Variants in OSTN observed in about 807,000 individuals in gnomAD.
OSTN encodes the protein osteocrin.
In OSTN, 9 loss-of-function variants were observed where a neutral mutation model predicts 12.0. The observed-to-expected ratio is 0.75, with a 90% CI of 0.45 to 1.30. The LOEUF (loss-of-function observed/expected upper bound fraction) is 1.30, where lower values mean the gene tolerates loss of function less well. OSTN is among the 50% of genes most tolerant of loss of function. The pLI is 0.00. For missense variants in OSTN, 148 were observed against 152.3 expected (o/e 0.97, Z 0.15); for synonymous variants, 59 against 56.9 (o/e 1.04, Z -0.16).
In OSTN at chr3:191,259,908, G is replaced by A. The variant is rs550313157; in HGVS notation, c.*13-2958G>A. Among the ~76,000 whole-genome samples, 210 of 145,372 alleles carry A rather than the reference G, an allele frequency of 1.4e-3. 3 individuals carry two copies. The highest frequency in any genetic ancestry group is 7.2e-3 in the Middle Eastern group (2 of 276). ...TCTCACTCTGTCACCAGGCTGGAGC[G>A]CAGTGGTACAATCTCGACTTACTGC... is the stretch of plus-strand genomic sequence containing the variant. On this transcript the variant is annotated intron_variant, in intron 4 of 4. Transcript: ENST00000682035.
chr3:191,225,241 T>C (rs1009472625), intron 3 of OSTN, among the ~76,000 whole-genome samples: 3 of 152,082 alleles, frequency 2.0e-5, no homozygotes, highest in Admixed American at 2.0e-4. Flanking sequence ...TGTTAGAAAA[T>C]ACAACTTATA....
chr3:191,217,585 A>T (rs562445848), intron 2 of OSTN, among the ~76,000 whole-genome samples: 2 of 152,362 alleles, frequency 1.3e-5, no homozygotes, highest in South Asian at 4.1e-4. Context: ...GGAGCATTTA[A>T]GAAATGCTGC....
At chr3:191,201,621 T>A (rs1298960738) in intron 1 of OSTN, among the ~76,000 whole-genome samples, 1 of 152,138 alleles carries the variant, frequency 6.6e-6, no homozygotes, top group Non-Finnish European at 1.5e-5. Context: ...ATAGAAATAT[T>A]ATGACTCAAA....
At chr3:191,230,474 A>G (rs902704606) in intron 3 of OSTN, among the ~76,000 whole-genome samples, 1 of 150,954 alleles carries the variant, frequency 6.6e-6, no homozygotes, top group Admixed American at 6.6e-5. Flanking sequence ...TGAGGCAGGG[A>G]AATCGCTTGA....
At chr3:191,250,834 G>A (rs1715544904) in intron 4 of OSTN, among the ~76,000 whole-genome samples, 1 of 151,978 alleles carries the variant, frequency 6.6e-6, no homozygotes, top group Admixed American at 6.6e-5. Flanking sequence ...CTTATACTTG[G>A]CACTTTATGT....
rs376273133 is a variant in OSTN at position 191,213,466 on chromosome 3, G to T, written c.102+832G>T. Reference sequence around the variant, plus strand: ...ATTCCTTGAACAAAAAAAGCTTTAAGAGAAAATCCATTATTATAGCTATAT... The same window carrying T: ...ATTCCTTGAACAAAAAAAGCTTTAATAGAAAATCCATTATTATAGCTATAT... On this transcript the variant is annotated intron_variant, in intron 2 of 4. Coordinates refer to ENST00000682035, the MANE Select transcript of OSTN (RefSeq NM_198184.2). 11 of 152,188 alleles carry T rather than the reference G, an allele frequency of 7.2e-5. No homozygotes were observed. The East Asian group carries it at 1.9e-3, about 27-fold the overall frequency. 9.4% of individuals were successfully genotyped at this position (152,188 alleles called of 1,614,324 possible).
At chr3:191,254,087 G>A (rs945819420) in intron 4 of OSTN, among the ~76,000 whole-genome samples, 6 of 152,194 alleles carry the variant, frequency 3.9e-5, no homozygotes, top group African/African-American at 1.4e-4. Flanking sequence ...CCTGAGAATA[G>A]ATCAGTTCAG....
Position 191,218,794 on chromosome 3 carries a change from G to A in OSTN, c.150G>A (p.Arg50=). 1 of 1,614,044 alleles carries A rather than the reference G, an allele frequency of 6.2e-7. No individual in the cohort carries two copies. Among genetic ancestry groups the A allele is most frequent in the Non-Finnish European group, 8.5e-7 (1 of 1,179,982 alleles). ...VIDVQSTPTV[R]EEKSATDLTA... The stretch of plus-strand genomic sequence containing the variant: ...ATGTGCAGTCAACACCCACAGTCAG[G>A]GAAGAGAAATCAGCCACTGACCTGA... The change falls in exon 3 of 5, where the codon AGG becomes AGA. Residue 50 remains arginine (R), a synonymous_variant. Transcript: ENST00000682035.
chr3:191,231,355 A>G (rs1219160895), intron 3 of OSTN, among the ~76,000 whole-genome samples: 1 of 133,552 alleles, frequency 7.5e-6, no homozygotes, highest in African/African-American at 3.1e-5. Context: ...AAAATCACAC[A>G]TATATATATA....
chr3:191,207,306 A>G (rs1435078817), intron 1 of OSTN, among the ~76,000 whole-genome samples: 1 of 152,172 alleles, frequency 6.6e-6, no homozygotes, highest in Non-Finnish European at 1.5e-5. Context: ...GTGAATTTCT[A>G]ATTGTTGGAT....
chr3:191,225,634 C>T (rs549615634), intron 3 of OSTN, among the ~76,000 whole-genome samples: 72 of 152,182 alleles, frequency 4.7e-4, no homozygotes, highest in African/African-American at 1.7e-3. Flanking sequence ...CAATGGAATA[C>T]TACACAGCCA....
At chr3:191,259,670 G>A (rs73888517) in intron 4 of OSTN, among the ~76,000 whole-genome samples, 1 of 151,846 alleles carries the variant, frequency 6.6e-6, no homozygotes, top group East Asian at 1.9e-4. Context: ...GGGTATCAAA[G>A]CCAGGCGTTG....
intron 1 of OSTN, among the ~76,000 whole-genome samples, chr3:191,205,725 A>G (rs1714258477): frequency 6.6e-6 from 1 of 152,138 alleles, no homozygotes; most frequent in Non-Finnish European, 1.5e-5. Flanking sequence ...TCTGATAACC[A>G]AGTTAAATAT....
chr3:191,258,533 CA>C (rs34138651), intron 4 of OSTN, among the ~76,000 whole-genome samples: 75,710 of 151,404 alleles, frequency 0.5, 20,341 homozygotes, highest in African/African-American at 0.71. Context: ...AGAGAAACAC[CA>C]AATGCACGCG....
chr3:191,221,229 T>C (rs1277576514), intron 3 of OSTN, among the ~76,000 whole-genome samples: 1 of 152,182 alleles, frequency 6.6e-6, no homozygotes, highest in Admixed American at 6.5e-5. Context: ...TAAACCGCTT[T>C]CCTTTATAAA....
At chr3:191,201,294 ATAT>A (rs1287702381) in intron 1 of OSTN, among the ~76,000 whole-genome samples, 1 of 151,726 alleles carries the variant, frequency 6.6e-6, no homozygotes, top group East Asian at 1.9e-4. Context: ...AACAATTTCT[ATAT>A]TATTATCTTC....
rs1339117702 is a variant in OSTN, at chr3:191,265,438, C to G, written c.*2585C>G. ...TGTCAAGTTGTACCTTTAACCTGTT[C>G]ATAGCTTTAGGGAATTAAGTTTCTT... On this transcript the variant is annotated 3_prime_UTR_variant, in exon 5 of 5. Transcript: ENST00000682035. 6.6e-6 allele frequency: 1 copy of G among 152,128 alleles called. No homozygotes were observed. Among genetic ancestry groups the G allele is most frequent in the Non-Finnish European group, 1.5e-5 (1 of 67,996 alleles). 9.4% of individuals were successfully genotyped at this position (152,128 alleles called of 1,614,324 possible). A position where few individuals can be genotyped will look rare whatever the true frequency, so the allele number is the denominator to read the frequency against.
At chr3:191,245,278 A>G (rs574487135) in intron 3 of OSTN, among the ~76,000 whole-genome samples, 7 of 152,370 alleles carry the variant, frequency 4.6e-5, no homozygotes, top group African/African-American at 1.7e-4. Context: ...CCCAATGCAC[A>G]TAACAACACA....
intron 1 of OSTN, among the ~76,000 whole-genome samples, chr3:191,204,711 A>C (rs1250179463): frequency 6.6e-6 from 1 of 152,224 alleles, no homozygotes; most frequent in Non-Finnish European, 1.5e-5. Flanking sequence ...CTTCTTTAAA[A>C]CTTTGTTCAA....
Sources: allele counts gnomAD v4.1 joint callset (sites outside exome capture counted in the v4.1 genomes callset), GRCh38; gene constraint gnomAD v4.1.1; transcripts MANE v1.5; gene names NCBI Gene and HGNC (gene_info 2026-07-23, HGNC 2026-07-21).